OR14A2: variants seen among roughly 807,000 people sequenced by gnomAD.
OR14A2 encodes olfactory receptor 14A2.
For missense variants in OR14A2, 237 were observed against 152.9 expected, an observed-to-expected ratio of 1.55 and a Z score of -2.90; for synonymous variants, 114 against 58.6, an observed-to-expected ratio of 1.95 and a Z score of -4.32.
chr1:247,735,730 C>T, the OR14A2 span, among the ~76,000 whole-genome samples: 2 of 152,118 alleles, frequency 1.3e-5, no homozygotes. Flanking sequence ...GAAATAAATA[C>T]TGATACGTAG....
the OR14A2 span, among the ~76,000 whole-genome samples, chr1:247,744,934 G>A: frequency 0.052 from 7,929 of 152,176 alleles, 272 homozygotes; most frequent in Middle Eastern, 0.12. The surrounding 1 kb of genome is among the most constrained non-coding windows in gnomAD (Gnocchi z 4.3). Context: ...ATAGGGTAAT[G>A]GTTACTCTGT....
At chr1:247,739,025 G>A in the OR14A2 span, 6 of 780,684 alleles carry the variant, frequency 7.7e-6, no homozygotes, top group East Asian at 1.5e-4. Context: ...TGAGCAGAGG[G>A]CTCTGTGTCC....
chr1:247,739,814 ATTATCAT>A, the OR14A2 span, among the ~76,000 whole-genome samples: 1 of 151,944 alleles, frequency 6.6e-6, no homozygotes, highest in African/African-American at 2.4e-5. Flanking sequence ...GGCTCAAGCA[ATTATCAT>A]GTCTCGGCTT....
chr1:247,732,012 A>G, the OR14A2 span, among the ~76,000 whole-genome samples: 2 of 152,100 alleles, frequency 1.3e-5, no homozygotes, highest in Non-Finnish European at 2.9e-5. Context: ...TTAACAAGCC[A>G]TTTCTTCATT....
the OR14A2 span, among the ~76,000 whole-genome samples, chr1:247,745,813 C>T: frequency 6.6e-6 from 1 of 152,132 alleles, no homozygotes; most frequent in Non-Finnish European, 1.5e-5. Context: ...ATTTATTTCT[C>T]CTCTCGTAAT....
the OR14A2 span, among the ~76,000 whole-genome samples, chr1:247,729,584 T>C: frequency 6.6e-6 from 1 of 152,134 alleles, no homozygotes; most frequent in Non-Finnish European, 1.5e-5. Flanking sequence ...TTCTGTTTTC[T>C]TTTGAACATG....
the OR14A2 span, among the ~76,000 whole-genome samples, chr1:247,741,873 G>C: frequency 6.6e-6 from 1 of 152,148 alleles, no homozygotes; most frequent in Non-Finnish European, 1.5e-5. Context: ...ATACCTACGT[G>C]CATCAGATGG....
chr1:247,738,166 G>A, the OR14A2 span, among the ~76,000 whole-genome samples: 1 of 152,102 alleles, frequency 6.6e-6, no homozygotes, highest in African/African-American at 2.4e-5. Context: ...TGAGGATAAT[G>A]ACTATTTTAA....
the OR14A2 span, among the ~76,000 whole-genome samples, chr1:247,743,297 A>G: frequency 6.6e-6 from 1 of 151,900 alleles, no homozygotes; most frequent in Admixed American, 6.6e-5. Flanking sequence ...CCATGCCAGA[A>G]CACCTCCCAC....
At chr1:247,739,398 T>A in the OR14A2 span, 1 of 780,776 alleles carries the variant, frequency 1.3e-6, no homozygotes, top group Non-Finnish European at 2.4e-6. Flanking sequence ...AAAGCCAGGG[T>A]CTGATGCACC....
the OR14A2 span, among the ~76,000 whole-genome samples, chr1:247,732,819 C>G: frequency 6.6e-6 from 1 of 152,066 alleles, no homozygotes; most frequent in Non-Finnish European, 1.5e-5. Context: ...ATGCATTTTG[C>G]TAAGTGAAGA....
chr1:247,731,665 T>C, the OR14A2 span, among the ~76,000 whole-genome samples: 1 of 152,138 alleles, frequency 6.6e-6, no homozygotes, highest in Non-Finnish European at 1.5e-5. Flanking sequence ...ATTTCAGAAA[T>C]AGAAATTTTC....
At chr1:247,733,578 C>A in the OR14A2 span, among the ~76,000 whole-genome samples, 2 of 152,156 alleles carry the variant, frequency 1.3e-5, no homozygotes, top group African/African-American at 4.8e-5. Flanking sequence ...TTCTGCCTGA[C>A]CATTTAGAGG....
the OR14A2 span, chr1:247,739,619 G>A: frequency 2.1e-5 from 14 of 669,862 alleles, no homozygotes; most frequent in Admixed American, 2.3e-4. Flanking sequence ...TCCACTAGCT[G>A]TTTAAAATTA....
the OR14A2 span, chr1:247,738,898 G>T: frequency 1.3e-6 from 1 of 780,688 alleles, no homozygotes; most frequent in South Asian, 1.3e-5. Flanking sequence ...TTCCTGGGGT[G>T]TGTGTTGCAG....
At chr1:247,747,642 G>C in the OR14A2 span, among the ~76,000 whole-genome samples, 1 of 152,112 alleles carries the variant, frequency 6.6e-6, no homozygotes. Flanking sequence ...GATTACAGGC[G>C]TGAGGCACCG....
chr1:247,746,358 T>C, the OR14A2 span: 1 of 152,192 alleles, frequency 6.6e-6, no homozygotes, highest in Non-Finnish European at 1.5e-5. Context: ...CTCCCTGGTA[T>C]CCACTGGACT....
At chr1:247,744,594 A>G in the OR14A2 span, among the ~76,000 whole-genome samples, 1 of 152,210 alleles carries the variant, frequency 6.6e-6, no homozygotes, top group South Asian at 2.1e-4. This position sits in a 1 kb window ranked among gnomAD's most constrained non-coding sequence, Gnocchi z 4.3. Context: ...CCGAATCAAA[A>G]TTTGACATGA....
the OR14A2 span, among the ~76,000 whole-genome samples, chr1:247,737,016 C>A: frequency 1.3e-5 from 2 of 152,074 alleles, no homozygotes; most frequent in African/African-American, 4.8e-5. Context: ...AGGCTTGTCT[C>A]GAATTCCTGG....
Sources: gnomAD v4.1 joint callset for allele counts (sites outside exome capture counted in the v4.1 genomes callset) on GRCh38, gnomAD v4.1.1 for gene constraint, Gnocchi (gnomAD v3.1) non-coding constraint, MANE v1.5 for transcripts, NCBI Gene and HGNC (gene_info 2026-07-23, HGNC 2026-07-21) for gene names.